ATP2B2: variants seen among roughly 807,000 people sequenced by gnomAD.
ATP2B2 encodes plasma membrane calcium-transporting ATPase 2.
ATP2B2 carries 15 observed loss-of-function variants against 120.0 expected under a neutral mutation model. The observed-to-expected ratio is 0.12, with a 90% CI of 0.08 to 0.19. ATP2B2 has a LOEUF of 0.19. Ranked by LOEUF, ATP2B2 falls within the 10% of genes least tolerant of loss-of-function variation. The pLI is 1.00. For synonymous variants in ATP2B2, 694 were observed against 700.3 expected, an observed-to-expected ratio of 0.99 and a Z score of 0.14; for missense variants, 1,045 against 1,719.8, an observed-to-expected ratio of 0.61 and a Z score of 6.94.
In ATP2B2 at chr3:10,324,632, C is replaced by T. The variant is rs1412388627; in HGVS notation, c.*4182G>A. The T allele has an allele frequency of 6.6e-6, 1 of 152,186 alleles. No individual in the cohort carries two copies. The highest frequency in any genetic ancestry group is 1.5e-5 in the Non-Finnish European group (1 of 68,068). The allele number at this position is 152,186 out of a possible 1,614,324, so 9.4% of individuals were successfully genotyped here. ...GCAGGAGAGAGATTTGGGTGGGAGGCTTGTCAGAATGCACCAGGTTGGCAG... is the reference window on the plus strand; with the variant it reads ...GCAGGAGAGAGATTTGGGTGGGAGGTTTGTCAGAATGCACCAGGTTGGCAG... On this transcript the variant is annotated 3_prime_UTR_variant, in exon 23 of 23. Transcript: ENST00000360273.
At chr3:10,499,412 C>T (rs2066290072) in intron 1 of ATP2B2, among the ~76,000 whole-genome samples, 1 of 152,210 alleles carries the variant, frequency 6.6e-6, no homozygotes, top group South Asian at 2.1e-4. Flanking sequence ...TTCAACCACA[C>T]ACAACCGAAC....
chr3:10,497,540 T>A (rs923797128), intron 1 of ATP2B2, among the ~76,000 whole-genome samples: 1 of 152,256 alleles, frequency 6.6e-6, no homozygotes, highest in East Asian at 1.9e-4. Flanking sequence ...AGGGCTGTCC[T>A]AAGCACTTTA....
Position 10,512,464 on chromosome 3 carries a change from G to GCACACACACACACACA in ATP2B2, c.-320+21559_-320+21574dup, listed in dbSNP as rs6147706. Among the ~76,000 whole-genome samples, 4 of 136,922 alleles carry GCACACACACACACACA rather than the reference G, an allele frequency of 2.9e-5. No homozygotes were observed. In the East Asian group the frequency reaches 6.7e-4, roughly 23 times the overall value. The allele number at this position is 136,922 out of a possible 152,430, so 89.8% of individuals were successfully genotyped here. On this transcript the variant is annotated intron_variant, in intron 3 of 21. Transcript: ENST00000646379. ...TATTCCTGGGTGCTAAAGTGTGTGCGCACACACACACACACACACACACAC... is the reference window on the plus strand; with the variant it reads ...TATTCCTGGGTGCTAAAGTGTGTGCGCACACACACACACACACACACACACACACACACACACACAC...
chr3:10,394,108 C>A (rs541679758), intron 5 of ATP2B2, among the ~76,000 whole-genome samples: 58 of 152,058 alleles, frequency 3.8e-4, no homozygotes, highest in African/African-American at 1.3e-3. Flanking sequence ...TTGCGTGTGA[C>A]CTTTTAGGCC....
At chr3:10,651,331 A>G (rs1435151436) in intron 1 of ATP2B2, among the ~76,000 whole-genome samples, 1 of 152,144 alleles carries the variant, frequency 6.6e-6, no homozygotes, top group Non-Finnish European at 1.5e-5. Context: ...ACCCAGTGAG[A>G]GGTAATTGAA....
chr3:10,371,244 C>T (rs1038396747), intron 12 of ATP2B2, among the ~76,000 whole-genome samples: 13 of 152,214 alleles, frequency 8.5e-5, no homozygotes, highest in South Asian at 2.1e-4. Flanking sequence ...GGCCTGTTGT[C>T]GCCATGTGAA....
chr3:10,616,826 G>A (rs1417758392), intron 2 of ATP2B2, among the ~76,000 whole-genome samples: 1 of 152,092 alleles, frequency 6.6e-6, no homozygotes, highest in African/African-American at 2.4e-5. Context: ...CAAGTCACCT[G>A]TTATCCTCCC....
chr3:10,688,333 C>T (rs2071573862), intron 1 of ATP2B2, among the ~76,000 whole-genome samples: 1 of 152,194 alleles, frequency 6.6e-6, no homozygotes, highest in African/African-American at 2.4e-5. Context: ...AGTGGTGGGT[C>T]AGAAGGGCAC....
rs185890328 is a variant in ATP2B2 at position 10,673,628 on chromosome 3, C to T, written c.-460+34287G>A. ...AAGCCTGGGCAACATAGCAAGACCT[C>T]GTCTCTACCAAAAATAGAAACAAAT... On this transcript the variant is annotated intron_variant, in intron 1 of 21. Transcript: ENST00000646379. 2.6e-5 allele frequency among the ~76,000 whole-genome samples: 4 copies of T among 151,594 alleles called. No individual in the cohort carries two copies. In the East Asian group the frequency reaches 5.9e-4, roughly 22 times the overall value.
At chr3:10,660,546 A>G (rs1365072148) in intron 1 of ATP2B2, among the ~76,000 whole-genome samples, 1 of 152,240 alleles carries the variant, frequency 6.6e-6, no homozygotes, top group Non-Finnish European at 1.5e-5. Context: ...AGACTAAACC[A>G]GGAAGAAGTT....
intron 1 of ATP2B2, among the ~76,000 whole-genome samples, chr3:10,707,263 G>T (rs1448948441): frequency 1.3e-5 from 2 of 152,208 alleles, no homozygotes. Context: ...GGGGACCCGT[G>T]CGTGCTTGGG....
At chr3:10,448,657 G>A (rs909521007) in intron 2 of ATP2B2, among the ~76,000 whole-genome samples, 3 of 152,140 alleles carry the variant, frequency 2.0e-5, no homozygotes, top group African/African-American at 7.2e-5. Flanking sequence ...GGACATACAA[G>A]GACATCTGTC....
intron 3 of ATP2B2, among the ~76,000 whole-genome samples, chr3:10,510,807 C>A (rs549812007): frequency 6.6e-6 from 1 of 152,324 alleles, no homozygotes; most frequent in East Asian, 1.9e-4. Flanking sequence ...GTCTCATCTG[C>A]GCTGCCCCTC....
At chr3:10,501,904 C>T (rs1474974454) in intron 1 of ATP2B2, among the ~76,000 whole-genome samples, 3 of 152,202 alleles carry the variant, frequency 2.0e-5, no homozygotes, top group African/African-American at 7.2e-5. Flanking sequence ...GGGTGAAAAC[C>T]CAGGGGTACC....
At chr3:10,401,606 C>T (rs1249076688) in intron 4 of ATP2B2, among the ~76,000 whole-genome samples, 1 of 152,180 alleles carries the variant, frequency 6.6e-6, no homozygotes, top group Non-Finnish European at 1.5e-5. Flanking sequence ...CCAGCCTGCC[C>T]GTTTTCTCCA....
At chr3:10,700,806 C>A (rs2071805280) in intron 1 of ATP2B2, among the ~76,000 whole-genome samples, 1 of 152,232 alleles carries the variant, frequency 6.6e-6, no homozygotes, top group Admixed American at 6.5e-5. Context: ...TGAGCTCTGC[C>A]CTGTGTCATT....
chr3:10,385,054 T>C (rs1456792743), intron 8 of ATP2B2, among the ~76,000 whole-genome samples: 2 of 152,200 alleles, frequency 1.3e-5, no homozygotes, highest in African/African-American at 4.8e-5. Context: ...CAGCACCTTT[T>C]TGGCAGCTGT....
intron 3 of ATP2B2, among the ~76,000 whole-genome samples, chr3:10,405,008 A>G (rs865956839): frequency 1.3e-5 from 2 of 152,166 alleles, no homozygotes; most frequent in African/African-American, 2.4e-5. Flanking sequence ...TTGGACACTT[A>G]GAGCAATGAC....
intron 5 of ATP2B2, among the ~76,000 whole-genome samples, chr3:10,396,020 G>A (rs1009965471): frequency 6.6e-6 from 1 of 152,230 alleles, no homozygotes; most frequent in African/African-American, 2.4e-5. Flanking sequence ...AACCTGCCTG[G>A]TTTTGATGAT....
Sources: gnomAD v4.1 joint callset for allele counts (sites outside exome capture counted in the v4.1 genomes callset) on GRCh38, gnomAD v4.1.1 for gene constraint, MANE v1.5 for transcripts, NCBI Gene and HGNC (gene_info 2026-07-23, HGNC 2026-07-21) for gene names.